The following ZDHHC21 variants were observed in gnomAD, a reference collection of about 807,000 sequenced individuals.
ZDHHC21 encodes the protein zDHHC palmitoyltransferase 21, also known as palmitoyltransferase ZDHHC21.
A neutral mutation model predicts 34.6 loss-of-function variants in ZDHHC21; 15 were observed. The observed-to-expected ratio is 0.43, with a 90% CI of 0.29 to 0.67. The LOEUF is 0.67. Among genes scored for constraint, ZDHHC21 ranks in the 30% least tolerant of loss-of-function variants. The probability of loss-of-function intolerance (pLI) is 0.14; values close to 1 mark genes in which losing one functional copy is unlikely to be tolerated. For missense variants in ZDHHC21, 344 were observed against 327.7 expected, an observed-to-expected ratio of 1.05 and a Z score of -0.38; for synonymous variants, 142 against 101.8, an observed-to-expected ratio of 1.40 and a Z score of -2.38.
At chr9:14,662,182 C>G in intron 6 of ZDHHC21, 33 bp downstream of exon 6, 3 of 1,491,478 alleles carry the variant, frequency 2.0e-6, no homozygotes, top group Non-Finnish European at 2.7e-6. Flanking sequence ...TTACCCACCC[C>G]TCTTTTCTTT....
At chr9:14,661,034 C>A (rs904320861) in intron 6 of ZDHHC21, among the ~76,000 whole-genome samples, 4 of 152,056 alleles carry the variant, frequency 2.6e-5, no homozygotes, top group African/African-American at 7.3e-5. Flanking sequence ...TCTTTATTCC[C>A]AAGTAATTCC....
At chr9:14,676,213 T>G (rs191863635) in intron 3 of ZDHHC21, among the ~76,000 whole-genome samples, 11 of 152,126 alleles carry the variant, frequency 7.2e-5, no homozygotes, top group Admixed American at 6.6e-4. Context: ...AAGGAGCAAC[T>G]GCTAGAATCG....
intron 3 of ZDHHC21, among the ~76,000 whole-genome samples, chr9:14,674,747 C>T (rs1836058573): frequency 6.6e-6 from 1 of 151,880 alleles, no homozygotes; most frequent in African/African-American, 2.4e-5. Flanking sequence ...CACGTGTCCA[C>T]CAAAAGATTA....
the ZDHHC21 span, among the ~76,000 whole-genome samples, chr9:14,606,000 G>A: frequency 6.6e-6 from 1 of 152,116 alleles, no homozygotes; most frequent in East Asian, 1.9e-4. Flanking sequence ...AAATATCAAA[G>A]TTTTCTTGAA....
intron 8 of ZDHHC21, among the ~76,000 whole-genome samples, chr9:14,622,224 G>T (rs915199387): frequency 4.6e-5 from 7 of 151,986 alleles, no homozygotes; most frequent in Admixed American, 6.6e-5. Context: ...TTAAAAACTG[G>T]ATGTTCTTAA....
chr9:14,682,518 A>C (rs1267650835), intron 2 of ZDHHC21, among the ~76,000 whole-genome samples: 1 of 152,216 alleles, frequency 6.6e-6, no homozygotes, highest in Non-Finnish European at 1.5e-5. Flanking sequence ...CACCCAATAC[A>C]GGAGCACCCA....
chr9:14,593,117 A>G, the ZDHHC21 span, among the ~76,000 whole-genome samples: 1 of 152,154 alleles, frequency 6.6e-6, no homozygotes, highest in Non-Finnish European at 1.5e-5. Context: ...CAAAGCAAGT[A>G]GAAAAAAAGA....
rs900355540 is a variant in ZDHHC21 at position 14,616,786 on chromosome 9, G to T, written c.*2180C>A. The T allele has an allele frequency of 3.8e-4, 57 of 151,902 alleles. No individual in the cohort carries two copies. Among genetic ancestry groups the T allele is most frequent in the African/African-American group, 1.3e-3 (56 of 41,498 alleles). 9.4% of individuals were successfully genotyped at this position (151,902 alleles called of 1,614,324 possible). ...GCATTTCTGCATTCAAATAAAATAA[G>T]TGTATGCTTTTCTAGTATATTAGTT... is the stretch of plus-strand genomic sequence containing the variant. On this transcript the variant is annotated 3_prime_UTR_variant, in exon 10 of 10. Transcript: ENST00000380916.
At position 14,617,255 on chromosome 9, in the gene ZDHHC21, C is replaced by T. The variant is rs902346393; in HGVS notation, c.*1711G>A. 4 of 151,898 alleles carry T rather than the reference C, an allele frequency of 2.6e-5. No homozygotes were observed. Among genetic ancestry groups the T allele is most frequent in the South Asian group, 2.1e-4 (1 of 4,824 alleles). 9.4% of individuals were successfully genotyped at this position (151,898 alleles called of 1,614,324 possible). A position where few individuals can be genotyped will look rare whatever the true frequency, so the allele number is the denominator to read the frequency against. On this transcript the variant is annotated 3_prime_UTR_variant, in exon 10 of 10. Transcript: ENST00000380916. ...TATATTTCTTCTATTTAATTTACTA[C>T]GTCTCTTTTCAGTACCAATAAATAT...
intron 3 of ZDHHC21, among the ~76,000 whole-genome samples, chr9:14,679,710 T>A (rs1000804720): frequency 2.6e-5 from 4 of 152,162 alleles, no homozygotes; most frequent in Non-Finnish European, 5.9e-5. Context: ...TTTGTCACTA[T>A]ATATTATCCT....
At chr9:14,658,947 T>A in intron 6 of ZDHHC21, 60 bp from the exon 7 acceptor site, 2 of 1,517,154 alleles carry the variant, frequency 1.3e-6, no homozygotes, top group Admixed American at 2.0e-5. Context: ...CACCTCAGGA[T>A]CAATAAGACT....
At chr9:14,667,660 G>C (rs1834714222) in intron 5 of ZDHHC21, among the ~76,000 whole-genome samples, 1 of 91,018 alleles carries the variant, frequency 1.1e-5, no homozygotes. Context: ...CCATGATCAA[G>C]TGGGCTTCAT....
chr9:14,624,368 A>T, intron 8 of ZDHHC21, among the ~76,000 whole-genome samples: 1 of 152,160 alleles, frequency 6.6e-6, no homozygotes, highest in East Asian at 1.9e-4. Context: ...AGTATGTCAG[A>T]GTCCCATGTT....
intron 7 of ZDHHC21, among the ~76,000 whole-genome samples, chr9:14,652,770 T>C (rs550268894): frequency 6.6e-6 from 1 of 152,132 alleles, no homozygotes; most frequent in South Asian, 2.1e-4. Context: ...TAAGTGCCAT[T>C]ACATCAATGG....
intron 6 of ZDHHC21, among the ~76,000 whole-genome samples, chr9:14,660,444 G>A (rs1833176998): frequency 6.9e-6 from 1 of 145,938 alleles, no homozygotes; most frequent in African/African-American, 2.5e-5. Context: ...CGTGAGAATT[G>A]ACCTCCAAAC....
intron 3 of ZDHHC21, among the ~76,000 whole-genome samples, chr9:14,677,873 T>C (rs1836707751): frequency 6.6e-6 from 1 of 152,118 alleles, no homozygotes; most frequent in Non-Finnish European, 1.5e-5. Flanking sequence ...AATATTCAAG[T>C]CACCATGAAA....
At chr9:14,635,958 C>T (rs1007398739) in intron 8 of ZDHHC21, among the ~76,000 whole-genome samples, 2 of 152,126 alleles carry the variant, frequency 1.3e-5, no homozygotes, top group Non-Finnish European at 1.5e-5. Context: ...ACAAAACCAT[C>T]AAACCACAAT....
intron 2 of ZDHHC21, among the ~76,000 whole-genome samples, chr9:14,683,207 G>C (rs1837688715): frequency 6.6e-6 from 1 of 150,444 alleles, no homozygotes; most frequent in Non-Finnish European, 1.5e-5. Flanking sequence ...GAAGGAGATA[G>C]AGAGACAAAA....
chr9:14,662,107 GT>G (rs1295538609), intron 6 of ZDHHC21, 107 bp downstream of exon 6: 3 of 651,006 alleles, frequency 4.6e-6, no homozygotes, highest in Non-Finnish European at 7.4e-6. Flanking sequence ...TTAAGATATT[GT>G]AAAACTATAT....
Sources: gnomAD v4.1 joint callset for allele counts (sites outside exome capture counted in the v4.1 genomes callset) on GRCh38, gnomAD v4.1.1 for gene constraint, MANE v1.5 for transcripts, NCBI Gene and HGNC (gene_info 2026-07-23, HGNC 2026-07-21) for gene names.